The following TEX11 variants were observed in gnomAD, a reference collection of about 807,000 sequenced individuals.
TEX11 encodes testis expressed 11.
TEX11 carries 7 observed loss-of-function variants against 84.4 expected under a neutral mutation model. That is an observed-to-expected ratio of 0.08 (90% CI 0.05 to 0.16). TEX11 has a LOEUF of 0.16. Ranked by LOEUF, TEX11 falls within the 10% of genes least tolerant of loss-of-function variation. The pLI is 1.00. For missense variants in TEX11, 551 were observed against 660.5 expected (o/e 0.83, Z 1.82); for synonymous variants, 264 against 222.8 (o/e 1.18, Z -1.64).
At chrX:70,595,092 T>A (rs967241336) in intron 24 of TEX11, among the ~76,000 whole-genome samples, 8 of 111,640 alleles carry the variant, frequency 7.2e-5, no homozygotes, top group African/African-American at 2.6e-4. Flanking sequence ...TAAGTTTCTT[T>A]ATTTTTGAGA....
intron 17 of TEX11, among the ~76,000 whole-genome samples, chrX:70,649,000 G>A (rs2089780614): frequency 1.8e-5 from 2 of 111,119 alleles, no homozygotes; most frequent in Non-Finnish European, 3.8e-5. Flanking sequence ...AGTTTGCTGA[G>A]GTTGATGGCT....
chrX:70,532,894 C>T (rs934919291), intron 28 of TEX11, among the ~76,000 whole-genome samples: 1 of 107,276 alleles, frequency 9.3e-6, no homozygotes, highest in East Asian at 2.9e-4. Context: ...AAACATTAGC[C>T]GGGCGTGGTG....
At chrX:70,787,202 T>C (rs776170036) in intron 9 of TEX11, among the ~76,000 whole-genome samples, 55 of 112,223 alleles carry the variant, frequency 4.9e-4, no homozygotes, top group Non-Finnish European at 1.1e-4. Flanking sequence ...CCAAATTAGA[T>C]ATAAAAAGAA....
At chrX:70,862,447 T>G (rs2091575348) in intron 4 of TEX11, among the ~76,000 whole-genome samples, 1 of 111,700 alleles carries the variant, frequency 9.0e-6, no homozygotes, top group Admixed American at 9.6e-5. Flanking sequence ...TAGCGGAAAT[T>G]ACAGGGTAAT....
Position 70,537,227 on chromosome X carries a change from G to A in TEX11, c.2521-7228C>T, listed in dbSNP as rs184924331. ...AGATCATCTAATGGGGAATGAGGTA[G>A]GTCTAAGTTTTTACGAGATTAGAAA... is the stretch of plus-strand genomic sequence containing the variant. On this transcript the variant is annotated intron_variant, in intron 28 of 29. Transcript: ENST00000374333. 2.8e-3 allele frequency among the ~76,000 whole-genome samples: 315 copies of A among 111,553 alleles called. 3 individuals carry two copies. Among genetic ancestry groups the A allele is most frequent in the African/African-American group, 9.6e-3 (294 of 30,763 alleles).
At chrX:70,701,712 G>T (rs2090327369) in intron 13 of TEX11, among the ~76,000 whole-genome samples, 1 of 112,069 alleles carries the variant, frequency 8.9e-6, no homozygotes, top group Non-Finnish European at 1.9e-5. Flanking sequence ...ATTCTGGAAA[G>T]TATTCACCAT....
chrX:70,750,317 T>G (rs2090805742), intron 9 of TEX11, among the ~76,000 whole-genome samples: 1 of 111,584 alleles, frequency 9.0e-6, no homozygotes, highest in Non-Finnish European at 1.9e-5. Context: ...GCTTCTACAC[T>G]GTTGGTGGGA....
At chrX:70,860,797 T>C in intron 5 of TEX11, 60 bp downstream of exon 5, 1 of 863,704 alleles carries the variant, frequency 1.2e-6, no homozygotes, top group African/African-American at 2.0e-5. Context: ...AACTTTACCA[T>C]TTTCATAGAA....
intron 24 of TEX11, among the ~76,000 whole-genome samples, chrX:70,597,371 C>G (rs182088815): frequency 3.6e-4 from 40 of 111,544 alleles, no homozygotes; most frequent in Non-Finnish European, 6.0e-4. Flanking sequence ...CTCCCTATTT[C>G]AAAATGTACT....
intron 10 of TEX11, among the ~76,000 whole-genome samples, chrX:70,742,216 CAT>C (rs1349678124): frequency 9.1e-6 from 1 of 110,325 alleles, no homozygotes; most frequent in Non-Finnish European, 1.9e-5. Context: ...TTTATGGAAT[CAT>C]ACAGTAAGTA....
At chrX:70,701,633 C>T (rs2090326899) in intron 13 of TEX11, among the ~76,000 whole-genome samples, 1 of 112,275 alleles carries the variant, frequency 8.9e-6, no homozygotes, top group African/African-American at 3.2e-5. Flanking sequence ...TTAAGAAATA[C>T]ATTTTGCAAG....
chrX:70,905,229 G>A (rs1210182700), intron 2 of TEX11, among the ~76,000 whole-genome samples: 5 of 111,528 alleles, frequency 4.5e-5, no homozygotes, highest in Middle Eastern at 9.2e-3. Flanking sequence ...AGGCTGAGTC[G>A]GAAGAATTGC....
At chrX:70,530,678 T>C (rs2087875018) in intron 28 of TEX11, among the ~76,000 whole-genome samples, 2 of 112,359 alleles carry the variant, frequency 1.8e-5, no homozygotes, top group Admixed American at 9.5e-5. Flanking sequence ...AGAAATGTGA[T>C]AGGAGACACA....
intron 9 of TEX11, among the ~76,000 whole-genome samples, chrX:70,782,657 A>AAC (rs1366381334): frequency 9.7e-6 from 1 of 103,109 alleles, no homozygotes; most frequent in Non-Finnish European, 2.0e-5. Flanking sequence ...AAAAAAAAAA[A>AAC]AAAAAAAAAC....
intron 9 of TEX11, among the ~76,000 whole-genome samples, chrX:70,784,865 T>C (rs910189107): frequency 6.3e-5 from 7 of 111,708 alleles, no homozygotes; most frequent in Non-Finnish European, 1.3e-4. Context: ...TGCTCATGGG[T>C]AGGAAGAATC....
At chrX:70,645,621 A>G (rs1402945316) in intron 17 of TEX11, among the ~76,000 whole-genome samples, 1 of 112,044 alleles carries the variant, frequency 8.9e-6, no homozygotes, top group African/African-American at 3.2e-5. Context: ...ACAAAGTAGT[A>G]GCATTTCTAC....
chrX:70,706,501 G>C (rs1435801156), intron 13 of TEX11, among the ~76,000 whole-genome samples: 1 of 111,115 alleles, frequency 9.0e-6, no homozygotes, highest in Non-Finnish European at 1.9e-5. Flanking sequence ...TGGCAAGTCA[G>C]TCAAAACTGT....
In TEX11 at chrX:70,750,933, A is replaced by AATATAT. The variant is rs1169707708; in HGVS notation, c.693-6720_693-6715dup. On this transcript the variant is annotated intron_variant, in intron 9 of 29. Transcript: ENST00000374333. ...ACTTAAAGTATAATAAAAAAAAAAA[A>AATATAT]ATATATATATATATATATATATATA... Among the ~76,000 whole-genome samples, 99 of 28,168 alleles carry AATATAT rather than the reference A, an allele frequency of 3.5e-3. 3 individuals carry two copies. The highest frequency in any genetic ancestry group is 7.6e-3 in the South Asian group (3 of 396). 24.5% of individuals were successfully genotyped at this position (28,168 alleles called of 115,157 possible).
At chrX:70,518,554 A>G in the TEX11 span, among the ~76,000 whole-genome samples, 1 of 111,920 alleles carries the variant, frequency 8.9e-6, no homozygotes, top group South Asian at 3.7e-4. Flanking sequence ...TATGTGGTCA[A>G]TTTTGGAATA....
Sources: allele counts gnomAD v4.1 joint callset (sites outside exome capture counted in the v4.1 genomes callset), GRCh38; gene constraint gnomAD v4.1.1; transcripts MANE v1.5; gene names NCBI Gene and HGNC (gene_info 2026-07-23, HGNC 2026-07-21).